Variants in MSI1 observed in about 807,000 individuals in gnomAD.
MSI1 encodes RNA-binding protein Musashi homolog 1.
In MSI1, 15 loss-of-function variants were observed where a neutral mutation model predicts 54.4. That is an observed-to-expected ratio of 0.28 (90% CI 0.18 to 0.42). MSI1 has a LOEUF of 0.42. Ranked by LOEUF, MSI1 falls within the 20% of genes least tolerant of loss-of-function variation. MSI1 has a pLI of 1.00. For synonymous variants in MSI1, 200 were observed against 196.5 expected (o/e 1.02, Z -0.15); for missense variants, 304 against 506.0 (o/e 0.60, Z 3.83).
rs548868978 is a variant in MSI1, at chr12:120,363,996, G to A, written c.309+718C>T. Among the ~76,000 whole-genome samples the A allele has an allele frequency of 5.9e-5, 9 of 152,276 alleles. No homozygotes were observed. The East Asian group carries it at 9.7e-4, about 16-fold the overall frequency. On this transcript the variant is annotated intron_variant, in intron 5 of 14. Transcript: ENST00000257552. The stretch of plus-strand genomic sequence containing the variant: ...CTCAGGGGTCCTGACCCCATGTTCC[G>A]CAATCAGTCTCTCCTTCTGTCCTCT...
At chr12:120,350,749 A>C (rs1035950723) in intron 11 of MSI1, among the ~76,000 whole-genome samples, 3 of 152,136 alleles carry the variant, frequency 2.0e-5, no homozygotes, top group Non-Finnish European at 4.4e-5. Flanking sequence ...CCTTCACCCC[A>C]CTTGTCCAGA....
At chr12:120,345,509 G>T in intron 14 of MSI1, 61 bp downstream of exon 14, 3 of 1,486,608 alleles carry the variant, frequency 2.0e-6, no homozygotes, top group Non-Finnish European at 1.9e-6. Flanking sequence ...TCCCAGATTC[G>T]ATGGCCCAGG....
At position 120,368,344 on chromosome 12, in the gene MSI1, C is replaced by G. The variant is rs1413367942; in HGVS notation, c.101-71G>C. ...TTCCCCCCCCCCCGTCCTTTGCCCC[C>G]GGTGACCCCGGAGCGGCCCGGCCGC... is the stretch of plus-strand genomic sequence containing the variant. On this transcript the variant is annotated intron_variant, in intron 2 of 14. Transcript: ENST00000257552. The surrounding 1 kb of genome is among the most constrained non-coding windows in gnomAD (Gnocchi z 6.6). The G allele has an allele frequency of 1.3e-4, 191 of 1,502,868 alleles. 3 individuals carry two copies. The highest frequency in any genetic ancestry group is 2.8e-5 in the Non-Finnish European group (31 of 1,115,828). The allele number at this position is 1,502,868 out of a possible 1,614,324, so 93.1% of individuals were successfully genotyped here.
chr12:120,351,081 G>A (rs940264602), intron 11 of MSI1, among the ~76,000 whole-genome samples: 1 of 152,072 alleles, frequency 6.6e-6, no homozygotes, highest in Non-Finnish European at 1.5e-5. Context: ...CCTGGCACAC[G>A]AGAGGTGCTA....
chr12:120,356,964 C>A lies in MSI1; in HGVS notation c.590G>T (p.Arg197Leu). Reference sequence around the variant, plus strand: ...GTAGGGCATGACTCGAGACCTCCCCCGGGCTGAGCCCGTTGGCGACATCAC... The same window carrying A: ...GTAGGGCATGACTCGAGACCTCCCCAGGGCTGAGCCCGTTGGCGACATCAC... ...KEVMSPTGSA[R>L]GRSRVMPYGM... The change falls in exon 9 of 15, where the codon CGG becomes CTG. Residue 197 changes from arginine to leucine, a missense_variant. Arg to Leu is a moderately radical substitution (Grantham distance 102). Coordinates refer to ENST00000257552, the MANE Select transcript of MSI1 (RefSeq NM_002442.4). 1.2e-6 allele frequency: 2 copies of A among 1,614,266 alleles called. No homozygotes were observed. Among genetic ancestry groups the A allele is most frequent in the South Asian group, 1.1e-5 (1 of 91,086 alleles).
At chr12:120,355,402 CAA>C (rs34596687) in intron 9 of MSI1, among the ~76,000 whole-genome samples, 1,232 of 104,464 alleles carry the variant, frequency 0.012, 14 homozygotes, top group African/African-American at 0.039. Flanking sequence ...GACTCCGTCT[CAA>C]AAAAAAAAAA....
chr12:120,361,014 G>A (rs1875588164), intron 6 of MSI1, among the ~76,000 whole-genome samples: 1 of 152,060 alleles, frequency 6.6e-6, no homozygotes, highest in South Asian at 2.1e-4. Context: ...CCAGGATATA[G>A]TAAGTGCCTA....
intron 10 of MSI1, among the ~76,000 whole-genome samples, 166 bp downstream of exon 10, chr12:120,353,132 TG>T (rs1366397649): frequency 7.5e-6 from 1 of 133,450 alleles, no homozygotes; most frequent in East Asian, 2.6e-4. Flanking sequence ...GGGAGGGGTT[TG>T]GGGGGGATGG....
intron 9 of MSI1, among the ~76,000 whole-genome samples, chr12:120,356,584 CTG>C (rs1407331368): frequency 6.6e-6 from 1 of 152,324 alleles, no homozygotes; most frequent in East Asian, 1.9e-4. Flanking sequence ...TGCTCAATAA[CTG>C]TGTACTGGAT....
chr12:120,343,517 C>A (rs1348224216), intron 14 of MSI1, among the ~76,000 whole-genome samples: 1 of 152,034 alleles, frequency 6.6e-6, no homozygotes, highest in East Asian at 1.9e-4. Context: ...AGCCACCACA[C>A]CCAGCCAGAC....
intron 6 of MSI1, among the ~76,000 whole-genome samples, chr12:120,362,578 T>G (rs1004454813): frequency 6.6e-6 from 1 of 152,086 alleles, no homozygotes; most frequent in African/African-American, 2.4e-5. Context: ...CAGCTCTGGC[T>G]CCAAGCTCCC....
intron 6 of MSI1, among the ~76,000 whole-genome samples, chr12:120,361,734 C>G (rs1469512409): frequency 6.6e-6 from 1 of 151,394 alleles, no homozygotes; most frequent in Non-Finnish European, 1.5e-5. Context: ...CGGGGGGCCC[C>G]CCGCCGCGGG....
chr12:120,351,333 G>C lies in MSI1; in HGVS notation c.790+11C>G. On this transcript the variant is annotated intron_variant, in intron 11 of 14. Coordinates refer to ENST00000257552, the MANE Select transcript of MSI1 (RefSeq NM_002442.4). ...GTGGCCTGAGAGGTATACAAAATCCGAGCGACTGACCTGTAAGCTCGGGGA... is the reference window on the plus strand; with the variant it reads ...GTGGCCTGAGAGGTATACAAAATCCCAGCGACTGACCTGTAAGCTCGGGGA... 2.5e-6 allele frequency: 4 copies of C among 1,611,984 alleles called. No homozygotes were observed. Among genetic ancestry groups the C allele is most frequent in the Non-Finnish European group, 3.4e-6 (4 of 1,179,088 alleles).
At chr12:120,362,836 C>T (rs1490363303) in intron 6 of MSI1, among the ~76,000 whole-genome samples, 1 of 152,220 alleles carries the variant, frequency 6.6e-6, no homozygotes. Context: ...TGTGGCTTCT[C>T]TGTCCCGAGG....
intron 6 of MSI1, among the ~76,000 whole-genome samples, chr12:120,360,315 G>T (rs1210269524): frequency 4.6e-5 from 7 of 152,094 alleles, no homozygotes; most frequent in Admixed American, 4.6e-4. Context: ...GCCCTCCCCT[G>T]CCTCATTAAA....
At chr12:120,345,361 G>A (rs569589838) in intron 14 of MSI1, among the ~76,000 whole-genome samples, 1 of 152,246 alleles carries the variant, frequency 6.6e-6, no homozygotes, top group South Asian at 2.1e-4. Context: ...TAGGTGGGAT[G>A]TGAAGCCTTA....
downstream of MSI1, among the ~76,000 whole-genome samples, chr12:120,340,388 AT>A (rs1873627211): frequency 2.6e-5 from 4 of 152,304 alleles, no homozygotes; most frequent in South Asian, 8.3e-4. Context: ...CTGGCCCAAA[AT>A]AGCTGTTATC....
Position 120,364,725 on chromosome 12 carries a change from C to T in MSI1, c.298G>A (p.Ala100Thr). ...IDPKVAFPRR[A>T]QPKMVTRTKK... ...ATAGACACACCTACCTTGGGCTGTG[C>T]TCGCCGAGGGAAGGCCACCTTAGGG... The change falls in exon 5 of 15, where the codon GCA (alanine) becomes ACA (threonine). Residue 100 changes from alanine to threonine, a missense_variant. Physicochemically the swap from Ala to Thr is moderately conservative, Grantham distance 58 (BLOSUM62 0). Coordinates refer to ENST00000257552, the MANE Select transcript of MSI1 (RefSeq NM_002442.4). The T allele has an allele frequency of 6.2e-7, 1 of 1,600,392 alleles. No homozygotes were observed. Among genetic ancestry groups the T allele is most frequent in the Non-Finnish European group, 8.5e-7 (1 of 1,173,654 alleles).
In MSI1 at chr12:120,368,101, C is replaced by G. The variant is rs775011481; in HGVS notation, c.183-9G>C. Reference sequence around the variant, plus strand: ...TGACGAAGCCGAAACCCCTGCGCGCCGTAGTGAGGGAGAGGCAGATGGTTA... The same window carrying G: ...TGACGAAGCCGAAACCCCTGCGCGCGGTAGTGAGGGAGAGGCAGATGGTTA... On this transcript the variant is annotated splice_polypyrimidine_tract_variant and intron_variant, in intron 3 of 14. Coordinates refer to ENST00000257552, the MANE Select transcript of MSI1 (RefSeq NM_002442.4). The surrounding 1 kb of genome is among the most constrained non-coding windows in gnomAD (Gnocchi z 6.6). The G allele has an allele frequency of 5.0e-6, 8 of 1,612,984 alleles. No individual in the cohort carries two copies. The African/African-American group carries it at 9.3e-5, about 19-fold the overall frequency.
Sources: allele counts gnomAD v4.1 joint callset (sites outside exome capture counted in the v4.1 genomes callset), GRCh38; gene constraint gnomAD v4.1.1; non-coding constraint Gnocchi (gnomAD v3.1); transcripts MANE v1.5; gene names NCBI Gene and HGNC (gene_info 2026-07-23, HGNC 2026-07-21).